Variants in ANKIB1 observed in about 807,000 individuals in gnomAD.
ANKIB1 encodes ankyrin repeat and IBR domain-containing protein 1.
A neutral mutation model predicts 122.1 loss-of-function variants in ANKIB1; 43 were observed. The observed-to-expected ratio is 0.35, with a 90% CI of 0.28 to 0.45. The LOEUF is 0.45. Ranked by LOEUF, ANKIB1 falls within the 20% of genes least tolerant of loss-of-function variation. The probability of loss-of-function intolerance (pLI) is 1.00; values close to 1 mark genes in which losing one functional copy is unlikely to be tolerated. For missense variants in ANKIB1, 992 were observed against 1,329.5 expected, an observed-to-expected ratio of 0.75 and a Z score of 3.95; for synonymous variants, 390 against 442.0, an observed-to-expected ratio of 0.88 and a Z score of 1.48.
intron 15 of ANKIB1, 76 bp downstream of exon 15, chr7:92,390,192 GTTTTA>G (rs1804757186): frequency 8.8e-7 from 1 of 1,130,602 alleles, no homozygotes; most frequent in Non-Finnish European, 1.2e-6. Flanking sequence ...GAAACCACTT[GTTTTA>G]TTTAATGTGG....
chr7:92,249,803 C>T (rs181062481), intron 1 of ANKIB1, among the ~76,000 whole-genome samples: 30 of 152,070 alleles, frequency 2.0e-4, no homozygotes, highest in Non-Finnish European at 2.9e-4. Flanking sequence ...GCTTTACATA[C>T]GTTATCTCAT....
chr7:92,387,988 T>G lies in ANKIB1; in HGVS notation c.1853T>G (p.Leu618Arg). Residue 618 changes from leucine (L) to arginine (R), a missense_variant, in exon 14 of 20, where the codon CTT becomes CGT. By Grantham distance (102) the Leu-to-Arg change is moderately radical. Transcript: ENST00000265742. ...HEHSYQLEQR[L>R]LKTAKEKMEQ... ...CTATTCCTTTAGCTAGAACAACGCC[T>G]TCTTAAAACAGCCAAAGAAAAGATG... 1.9e-6 allele frequency: 3 copies of G among 1,584,438 alleles called. No individual in the cohort carries two copies. Among genetic ancestry groups the G allele is most frequent in the Non-Finnish European group, 2.6e-6 (3 of 1,164,212 alleles).
rs756227333 is a variant in ANKIB1, at chr7:92,391,309, A to G, written c.2196A>G (p.Val732=). ...QEFLASVARG[V]APADSPEAPR... Reference sequence around the variant, plus strand: ...TCCTGGCATCTGTGGCTCGGGGAGTAGCTCCTGCAGACTCACCAGAAGCTC... The same window carrying G: ...TCCTGGCATCTGTGGCTCGGGGAGTGGCTCCTGCAGACTCACCAGAAGCTC... The change falls in exon 16 of 20, where the codon GTA becomes GTG. Residue 732 remains valine (V), a synonymous_variant. Transcript: ENST00000265742. 1.2e-6 allele frequency: 2 copies of G among 1,613,076 alleles called. No individual in the cohort carries two copies. Among genetic ancestry groups the G allele is most frequent in the African/African-American group, 2.7e-5 (2 of 74,856 alleles).
In ANKIB1 at chr7:92,339,166, C is replaced by T. The variant is rs1263612858; in HGVS notation, c.788-3858C>T. On this transcript the variant is annotated intron_variant, in intron 5 of 19. Coordinates refer to ENST00000265742, the MANE Select transcript of ANKIB1 (RefSeq NM_019004.2). ...ATGCCATTCTCCTGCCTCAGCCTCC[C>T]GAGTAGCTGGGACAACAGGCACCTG... Among the ~76,000 whole-genome samples the T allele has an allele frequency of 2.0e-4, 30 of 148,364 alleles. 1 individual carries two copies. The East Asian group carries it at 3.1e-3, about 15-fold the overall frequency.
intron 3 of ANKIB1, among the ~76,000 whole-genome samples, chr7:92,310,002 A>G (rs1001069516): frequency 2.0e-5 from 3 of 147,790 alleles, no homozygotes; most frequent in Non-Finnish European, 4.5e-5. Flanking sequence ...ACTTTTCTCT[A>G]TAAGCATTGC....
At chr7:92,249,095 C>A (rs1801265961) in intron 1 of ANKIB1, among the ~76,000 whole-genome samples, 2 of 152,070 alleles carry the variant, frequency 1.3e-5, no homozygotes, top group African/African-American at 4.8e-5. Flanking sequence ...GCCACGTTGG[C>A]CAGGCTGGTC....
Position 92,307,647 on chromosome 7 carries a change from C to T in ANKIB1, c.477C>T (p.Ala159=). ...ATGCTGCTGCCTCAGGGATGAAAGC[C>T]TGTGTAGAGGTAAATTTTTTTTTTT... ...LHYAAASGMK[A]CVELLVKHGG... is the part of the protein sequence containing the mutation. Residue 159 remains alanine, a synonymous_variant, in exon 3 of 20, where the codon GCC becomes GCT. Coordinates refer to ENST00000265742, the MANE Select transcript of ANKIB1 (RefSeq NM_019004.2). 6.4e-7 allele frequency: 1 copy of T among 1,572,940 alleles called. No individual in the cohort carries two copies. Among genetic ancestry groups the T allele is most frequent in the African/African-American group, 1.4e-5 (1 of 72,606 alleles).
intron 5 of ANKIB1, among the ~76,000 whole-genome samples, chr7:92,331,795 CA>C (rs1052468672): frequency 1.8e-4 from 28 of 151,626 alleles, no homozygotes; most frequent in Admixed American, 1.7e-3. Context: ...TAACTGCAAA[CA>C]AAAAAAAGTG....
At chr7:92,264,734 T>C (rs1485890845) in intron 1 of ANKIB1, among the ~76,000 whole-genome samples, 1 of 152,132 alleles carries the variant, frequency 6.6e-6, no homozygotes, top group Non-Finnish European at 1.5e-5. Context: ...AAATATTTAT[T>C]AAGTTTTTTA....
intron 1 of ANKIB1, among the ~76,000 whole-genome samples, chr7:92,277,869 A>AG (rs1217411312): frequency 4.6e-5 from 7 of 152,158 alleles, no homozygotes; most frequent in Non-Finnish European, 8.8e-5. Flanking sequence ...GGATCACCTG[A>AG]GGTCAGGAGT....
intron 6 of ANKIB1, among the ~76,000 whole-genome samples, chr7:92,344,340 G>A (rs889944325): frequency 2.0e-5 from 3 of 151,630 alleles, no homozygotes; most frequent in Non-Finnish European, 4.4e-5. Flanking sequence ...GAGTAGCTGG[G>A]ATTACAGACA....
intron 1 of ANKIB1, among the ~76,000 whole-genome samples, chr7:92,259,204 C>T (rs1418730076): frequency 1.3e-5 from 2 of 152,164 alleles, no homozygotes; most frequent in Non-Finnish European, 2.9e-5. Flanking sequence ...GAGCCACCTG[C>T]CTCAGCCTTC....
Position 92,318,244 on chromosome 7 carries a change from G to A in ANKIB1, c.487-1086G>A, listed in dbSNP as rs1019600511. Among the ~76,000 whole-genome samples, 14 of 152,218 alleles carry A rather than the reference G, an allele frequency of 9.2e-5. No individual in the cohort carries two copies. In the South Asian group the frequency reaches 2.3e-3, roughly 25 times the overall value. On this transcript the variant is annotated intron_variant, in intron 3 of 19. Transcript: ENST00000265742. ...ATAAAAGAATCCTGTGGCTGGGCGC[G>A]GTGGCTCACACCTTTAATCCTAGTA...
intron 1 of ANKIB1, among the ~76,000 whole-genome samples, chr7:92,287,796 G>A (rs945470701): frequency 7.9e-5 from 12 of 152,098 alleles, no homozygotes; most frequent in African/African-American, 2.9e-4. Flanking sequence ...AGCACTTTGG[G>A]AGGCCAGGGT....
At chr7:92,378,837 G>C (rs1439925356) in intron 11 of ANKIB1, among the ~76,000 whole-genome samples, 1 of 152,180 alleles carries the variant, frequency 6.6e-6, no homozygotes, top group African/African-American at 2.4e-5. Flanking sequence ...ATTCAGTTAA[G>C]TAGCAGAGTA....
chr7:92,311,022 T>C (rs369706115), intron 3 of ANKIB1, among the ~76,000 whole-genome samples: 2 of 152,226 alleles, frequency 1.3e-5, no homozygotes, highest in East Asian at 3.8e-4. Flanking sequence ...AGATGTCTCT[T>C]ATAAAGTTTA....
At chr7:92,277,303 A>G (rs1291207707) in intron 1 of ANKIB1, among the ~76,000 whole-genome samples, 3 of 152,216 alleles carry the variant, frequency 2.0e-5, no homozygotes, top group Non-Finnish European at 2.9e-5. Flanking sequence ...GATACTCCAA[A>G]CAGGACATAT....
At chr7:92,366,035 G>A (rs1585128079) in intron 10 of ANKIB1, among the ~76,000 whole-genome samples, 1 of 151,486 alleles carries the variant, frequency 6.6e-6, no homozygotes. Context: ...CTCGTGATCC[G>A]CCTGCCTCAG....
At chr7:92,387,519 C>T (rs1804683436) in intron 12 of ANKIB1, among the ~76,000 whole-genome samples, 1 of 152,010 alleles carries the variant, frequency 6.6e-6, no homozygotes, top group African/African-American at 2.4e-5. Context: ...TCCTGTAATC[C>T]CAGCTACTCA....
Sources: allele counts gnomAD v4.1 joint callset (sites outside exome capture counted in the v4.1 genomes callset), GRCh38; gene constraint gnomAD v4.1.1; transcripts MANE v1.5; gene names NCBI Gene and HGNC (gene_info 2026-07-23, HGNC 2026-07-21).